Variants in PACS1 observed in about 807,000 individuals in gnomAD.
PACS1 encodes the protein phosphofurin acidic cluster sorting protein 1.
A neutral mutation model predicts 115.0 loss-of-function variants in PACS1; 24 were observed. The observed-to-expected ratio is 0.21, with a 90% confidence interval of 0.15 to 0.29. The LOEUF is 0.29. Ranked by LOEUF, PACS1 falls within the 10% of genes least tolerant of loss-of-function variation. The probability of loss-of-function intolerance (pLI) is 1.00; values close to 1 mark genes in which losing one functional copy is unlikely to be tolerated. For missense variants in PACS1, 838 were observed against 1,251.2 expected (o/e 0.67, Z 4.98); for synonymous variants, 453 against 504.5 (o/e 0.90, Z 1.37).
intron 2 of PACS1, among the ~76,000 whole-genome samples, chr11:66,203,548 C>G (rs1363599538): frequency 1.3e-5 from 2 of 152,090 alleles, no homozygotes; most frequent in Non-Finnish European, 2.9e-5. Context: ...ATAGCCAAAG[C>G]CATCCTGAGC....
chr11:66,153,577 C>T (rs1046347557), intron 1 of PACS1, among the ~76,000 whole-genome samples: 15 of 152,150 alleles, frequency 9.9e-5, no homozygotes, highest in Admixed American at 7.9e-4. Context: ...ATTGGGAGAT[C>T]GAGACCATCC....
intron 1 of PACS1, among the ~76,000 whole-genome samples, chr11:66,139,606 G>T (rs903618461): frequency 2.6e-5 from 4 of 151,602 alleles, no homozygotes; most frequent in Non-Finnish European, 5.9e-5. Context: ...TGTGAAGTTT[G>T]TCTTGCTGTG....
intron 7 of PACS1, chr11:66,219,429 T>C (rs976094440): frequency 6.4e-6 from 3 of 472,276 alleles, no homozygotes; most frequent in Non-Finnish European, 1.2e-5. Context: ...GAGTCAGCAG[T>C]GGGCACTGTG....
intron 1 of PACS1, among the ~76,000 whole-genome samples, chr11:66,149,177 C>G (rs1421958222): frequency 6.7e-6 from 1 of 149,710 alleles, no homozygotes. Context: ...TCATTGCAAC[C>G]TCTGCCTCCT....
intron 13 of PACS1, 172 bp from the exon 14 acceptor site, chr11:66,232,000 T>C (rs1855606125): frequency 1.7e-6 from 1 of 576,466 alleles, no homozygotes; most frequent in South Asian, 2.1e-5. Context: ...TTCTTTCTCC[T>C]CCTTTCCATC....
intron 2 of PACS1, among the ~76,000 whole-genome samples, chr11:66,201,662 G>GTT (rs1554988447): frequency 2.1e-5 from 3 of 145,064 alleles, no homozygotes; most frequent in Non-Finnish European, 3.0e-5. Context: ...TTGGGTTTTT[G>GTT]TTTTTTTTTT....
intron 1 of PACS1, among the ~76,000 whole-genome samples, chr11:66,166,607 G>A (rs1392860943): frequency 6.6e-6 from 1 of 150,572 alleles, no homozygotes; most frequent in Non-Finnish European, 1.5e-5. Flanking sequence ...ATTTTTGCTT[G>A]GTTTTGAATT....
At chr11:66,212,912 C>T (rs1032642231) in intron 4 of PACS1, among the ~76,000 whole-genome samples, 1 of 152,154 alleles carries the variant, frequency 6.6e-6, no homozygotes, top group African/African-American at 2.4e-5. Context: ...TGCGCTGGCA[C>T]AATCTCGGCT....
chr11:66,209,410 C>T (rs2134697499), intron 2 of PACS1, among the ~76,000 whole-genome samples: 1 of 151,768 alleles, frequency 6.6e-6, no homozygotes, highest in East Asian at 1.9e-4. Context: ...AAAAAAGGAA[C>T]AGTGGGCAGG....
intron 1 of PACS1, among the ~76,000 whole-genome samples, chr11:66,149,995 C>T (rs1057163312): frequency 4.0e-5 from 6 of 151,832 alleles, no homozygotes; most frequent in East Asian, 1.9e-4. Flanking sequence ...GCGATCCACC[C>T]GTCTCGGCCT....
chr11:66,196,205 C>T (rs1370241489), intron 2 of PACS1, among the ~76,000 whole-genome samples: 1 of 152,224 alleles, frequency 6.6e-6, no homozygotes, highest in African/African-American at 2.4e-5. Context: ...GCCTGGGTGA[C>T]AGAGCAAGAC....
At chr11:66,103,807 C>A (rs995153708) in intron 1 of PACS1, among the ~76,000 whole-genome samples, 4 of 152,026 alleles carry the variant, frequency 2.6e-5, no homozygotes, top group Non-Finnish European at 4.4e-5. Flanking sequence ...AGCCAGTGTG[C>A]CCAGCTGGAA....
chr11:66,194,388 G>T (rs1222905042), intron 2 of PACS1, among the ~76,000 whole-genome samples: 1 of 152,134 alleles, frequency 6.6e-6, no homozygotes, highest in Non-Finnish European at 1.5e-5. Context: ...CTTACATTTG[G>T]TATATTCAAG....
intron 1 of PACS1, among the ~76,000 whole-genome samples, chr11:66,173,801 C>T (rs974528687): frequency 6.6e-6 from 1 of 152,102 alleles, no homozygotes; most frequent in Non-Finnish European, 1.5e-5. Context: ...ACCTGTAATC[C>T]CAGCACTTTG....
intron 22 of PACS1, 55 bp downstream of exon 22, chr11:66,241,708 C>G: frequency 3.6e-6 from 5 of 1,371,860 alleles, no homozygotes; most frequent in Non-Finnish European, 5.1e-6. Flanking sequence ...CCCGTCTCGT[C>G]TCTCAGGGCC....
At chr11:66,111,262 A>C (rs1328822765) in intron 1 of PACS1, among the ~76,000 whole-genome samples, 1 of 152,214 alleles carries the variant, frequency 6.6e-6, no homozygotes, top group African/African-American at 2.4e-5. Flanking sequence ...TGTATAGAAC[A>C]ACTCCATTAT....
chr11:66,199,431 T>C (rs541670511), intron 2 of PACS1, among the ~76,000 whole-genome samples: 2 of 152,210 alleles, frequency 1.3e-5, no homozygotes, highest in South Asian at 4.2e-4. Flanking sequence ...CCATTCAGTT[T>C]AAAATAATGT....
chr11:66,081,872 T>A (rs143911605), intron 1 of PACS1, among the ~76,000 whole-genome samples: 295 of 152,352 alleles, frequency 1.9e-3, no homozygotes, highest in Non-Finnish European at 3.7e-3. Context: ...TTTTTTTCTC[T>A]TGTCTTTTTA....
chr11:66,103,896 CA>C (rs1452587019), intron 1 of PACS1, among the ~76,000 whole-genome samples: 3 of 152,242 alleles, frequency 2.0e-5, no homozygotes, highest in Admixed American at 2.0e-4. Flanking sequence ...ATTATCAGCT[CA>C]GGGGCAGTGC....
Sources: allele counts gnomAD v4.1 joint callset (sites outside exome capture counted in the v4.1 genomes callset), GRCh38; gene constraint gnomAD v4.1.1; transcripts MANE v1.5; gene names NCBI Gene and HGNC (gene_info 2026-07-23, HGNC 2026-07-21).